The following FASTKD1 variants were observed in gnomAD, a reference collection of about 807,000 sequenced individuals.
FASTKD1 encodes FAST kinase domains 1, also known as FAST kinase domain-containing protein 1, mitochondrial.
In FASTKD1, 94 loss-of-function variants were observed where a neutral mutation model predicts 90.9. That is an observed-to-expected ratio of 1.03 (90% CI 0.88 to 1.23). The LOEUF (loss-of-function observed/expected upper bound fraction) is 1.23. Among genes scored for constraint, FASTKD1 ranks in the 50% most tolerant of loss-of-function variants. The pLI is 0.00. For synonymous variants in FASTKD1, 319 were observed against 345.8 expected, an observed-to-expected ratio of 0.92 and a Z score of 0.86; for missense variants, 945 against 993.5, an observed-to-expected ratio of 0.95 and a Z score of 0.66.
chr2:169,560,568 C>T lies in FASTKD1; in HGVS notation c.790G>A (p.Asp264Asn). The change falls in exon 5 of 15, where the codon GAT (aspartate) becomes AAT (asparagine). Residue 264 changes from aspartate to asparagine, a missense_variant. Coordinates refer to ENST00000453153, the MANE Select transcript of FASTKD1 (RefSeq NM_024622.6). Reference sequence around the variant, plus strand: ...AGTATTTTACTGATGGAATCCAAATCAAGGTGGTCCACATTACTTAAAAAT... The same window carrying T: ...AGTATTTTACTGATGGAATCCAAATTAAGGTGGTCCACATTACTTAAAAAT... ...NVFLSNVDHL[D>N]LDSISKILSV... is the part of the protein sequence containing the mutation. 6.2e-7 allele frequency: 1 copy of T among 1,604,958 alleles called. No homozygotes were observed. Among genetic ancestry groups the T allele is most frequent in the Non-Finnish European group, 8.5e-7 (1 of 1,176,364 alleles).
At chr2:169,554,278 T>C (rs1432126912) in intron 7 of FASTKD1, among the ~76,000 whole-genome samples, 1 of 29,782 alleles carries the variant, frequency 3.4e-5, no homozygotes, top group Non-Finnish European at 5.2e-5. Flanking sequence ...ACCCTGTCTC[T>C]AAAAAAAAAA....
Position 169,571,981 on chromosome 2 carries a change from G to A in FASTKD1, c.49C>T (p.Arg17Cys), listed in dbSNP as rs150394417. ...FLESLVTNML[R>C]LRAICPFSWR... is the part of the protein sequence containing the mutation. Reference sequence around the variant, plus strand: ...GAGAATGGACAAATAGCTCTTAGACGAAGCATATTTGTAACCAATGACTCT... The same window carrying A: ...GAGAATGGACAAATAGCTCTTAGACAAAGCATATTTGTAACCAATGACTCT... Residue 17 changes from arginine (R) to cysteine (C), a missense_variant, in exon 2 of 15, where the codon CGT becomes TGT. Coordinates refer to ENST00000453153, the MANE Select transcript of FASTKD1 (RefSeq NM_024622.6). The A allele has an allele frequency of 3.6e-5, 58 of 1,609,132 alleles. No individual in the cohort carries two copies. In the Middle Eastern group the frequency reaches 8.3e-4, roughly 23 times the overall value.
At position 169,549,987 on chromosome 2, in the gene FASTKD1, A is replaced by G. The variant is rs116063906; in HGVS notation, c.1215-3283T>C. On this transcript the variant is annotated intron_variant, in intron 7 of 14. Transcript: ENST00000453153. The stretch of plus-strand genomic sequence containing the variant: ...TCCCTGTCTGGGAAACTAACCTAAT[A>G]AACTAATATAAAATCCAGGTAAAAG... Among the ~76,000 whole-genome samples, 478 of 152,276 alleles carry G rather than the reference A, an allele frequency of 3.1e-3. 3 individuals carry two copies. Among genetic ancestry groups the G allele is most frequent in the African/African-American group, 0.011 (445 of 41,548 alleles).
intron 3 of FASTKD1, among the ~76,000 whole-genome samples, chr2:169,568,912 T>C (rs749218344): frequency 4.0e-5 from 6 of 151,022 alleles, no homozygotes; most frequent in African/African-American, 1.2e-4. Flanking sequence ...AGGCAGAGAA[T>C]TGCTTGAACC....
chr2:169,558,062 A>G (rs931597358), intron 5 of FASTKD1, among the ~76,000 whole-genome samples: 1 of 152,148 alleles, frequency 6.6e-6, no homozygotes, highest in Admixed American at 6.6e-5. Flanking sequence ...AGCACTATCC[A>G]TATCACTAAT....
chr2:169,529,761 G>T lies in FASTKD1; in HGVS notation c.*64C>A, dbSNP rs1684394905. On this transcript the variant is annotated 3_prime_UTR_variant, in exon 15 of 15. Coordinates refer to ENST00000453153, the MANE Select transcript of FASTKD1 (RefSeq NM_024622.6). ...ACATTTGTACCTATTTTTTAATTGA[G>T]ACAGGCCACTTTATTAAAATAGGTC... 1 of 1,142,458 alleles carries T rather than the reference G, an allele frequency of 8.8e-7. No homozygotes were observed. The highest frequency in any genetic ancestry group is 1.3e-6 in the Non-Finnish European group (1 of 784,312). The allele number at this position is 1,142,458 out of a possible 1,614,324, so 70.8% of individuals were successfully genotyped here. A position where few individuals can be genotyped will look rare whatever the true frequency, so the allele number is the denominator to read the frequency against.
Position 169,539,624 on chromosome 2 carries a change from G to C in FASTKD1, c.1945+427C>G, listed in dbSNP as rs1422243153. 7.9e-5 allele frequency among the ~76,000 whole-genome samples: 12 copies of C among 152,072 alleles called. No individual in the cohort carries two copies. The South Asian group carries it at 1.2e-3, about 16-fold the overall frequency. ...CTCTTAAAAAAAAAAAATTAGCTGG[G>C]CATGGTGACACACGCCTGTGGTCCC... On this transcript the variant is annotated intron_variant, in intron 10 of 14. Coordinates refer to ENST00000453153, the MANE Select transcript of FASTKD1 (RefSeq NM_024622.6).
intron 3 of FASTKD1, among the ~76,000 whole-genome samples, chr2:169,564,495 A>G (rs1053188443): frequency 1.3e-5 from 2 of 152,146 alleles, no homozygotes; most frequent in Non-Finnish European, 2.9e-5. Context: ...ATATTTTGAT[A>G]CAAGCATGCA....
At chr2:169,537,916 C>T in intron 11 of FASTKD1, 97 bp downstream of exon 11, 1 of 1,023,796 alleles carries the variant, frequency 9.8e-7, no homozygotes, top group Non-Finnish European at 1.4e-6. Flanking sequence ...CTTGGGAAGG[C>T]TCGTGTCATG....
At position 169,554,278 on chromosome 2, in the gene FASTKD1, TAAAAAAAAAAAAAAAAAA is replaced by T. The variant is rs58641456; in HGVS notation, c.1214+828_1214+845del. On this transcript the variant is annotated intron_variant, in intron 7 of 14. Transcript: ENST00000453153. ...AGGGGACAGAGTGAGACCCTGTCTCTAAAAAAAAAAAAAAAAAAAAAAAAAAAAAAAAAAAAGATACAT... is the reference window on the plus strand; with the variant it reads ...AGGGGACAGAGTGAGACCCTGTCTCTAAAAAAAAAAAAAAAAAAGATACAT... Among the ~76,000 whole-genome samples, 18 of 29,814 alleles carry T rather than the reference TAAAAAAAAAAAAAAAAAA, an allele frequency of 6.0e-4. 1 individual carries two copies. In the South Asian group the frequency reaches 0.018, roughly 30 times the overall value. The allele number at this position is 29,814 out of a possible 152,430, so 19.6% of individuals were successfully genotyped here.
At position 169,537,341 on chromosome 2, in the gene FASTKD1, C is replaced by A; in HGVS notation, c.2075-1G>T. The A allele has an allele frequency of 6.4e-7, 1 of 1,559,362 alleles. No homozygotes were observed. Among genetic ancestry groups the A allele is most frequent in the African/African-American group, 1.4e-5 (1 of 73,152 alleles). ...TGTGTTCCATCCATGCCACCAATACCTTTATAAAAAAATAAATAATTAGTC... is the reference window on the plus strand; with the variant it reads ...TGTGTTCCATCCATGCCACCAATACATTTATAAAAAAATAAATAATTAGTC... On this transcript the variant is annotated splice_acceptor_variant, in intron 11 of 14. Transcript: ENST00000453153. LOFTEE classifies it high-confidence loss of function.
rs1235734559 is a variant in FASTKD1 at position 169,540,085 on chromosome 2, G to T, written c.1911C>A (p.Ile637=). The change falls in exon 10 of 15, where the codon ATC becomes ATA. Residue 637 remains isoleucine, a synonymous_variant. Transcript: ENST00000453153. ...PEDLLKAIFN[I]KFLARLDSQL... ...GAGAATCCAATCTAGCTAAGAATTTGATGTTAAAAATTGCCTTTAGCAGAT... is the reference window on the plus strand; with the variant it reads ...GAGAATCCAATCTAGCTAAGAATTTTATGTTAAAAATTGCCTTTAGCAGAT... The T allele has an allele frequency of 2.5e-6, 4 of 1,604,980 alleles. No individual in the cohort carries two copies. Among genetic ancestry groups the T allele is most frequent in the Non-Finnish European group, 2.6e-6 (3 of 1,175,794 alleles).
intron 7 of FASTKD1, among the ~76,000 whole-genome samples, chr2:169,548,668 G>A (rs182782222): frequency 0.01 from 1,378 of 136,234 alleles, 7 homozygotes; most frequent in Middle Eastern, 0.015. Flanking sequence ...GGAGGCGGAG[G>A]TTGCAGTGAG....
chr2:169,533,477 C>A (rs1380110618), intron 12 of FASTKD1, among the ~76,000 whole-genome samples: 1 of 152,130 alleles, frequency 6.6e-6, no homozygotes. Flanking sequence ...CTTGGGCAAT[C>A]AATAATGTTT....
At position 169,560,384 on chromosome 2, in the gene FASTKD1, T is replaced by A; in HGVS notation, c.971+3A>T. On this transcript the variant is annotated splice_donor_region_variant and intron_variant, in intron 5 of 14. Coordinates refer to ENST00000453153, the MANE Select transcript of FASTKD1 (RefSeq NM_024622.6). The stretch of plus-strand genomic sequence containing the variant: ...AAAGTAATGCATTTTAAACTGAACT[T>A]ACTGTTTCTTTTCTTCAGGTCCTGC... The A allele has an allele frequency of 1.3e-6, 2 of 1,529,678 alleles. No individual in the cohort carries two copies. The highest frequency in any genetic ancestry group is 1.7e-6 in the Non-Finnish European group (2 of 1,147,702). The allele number at this position is 1,529,678 out of a possible 1,614,324, so 94.8% of individuals were successfully genotyped here.
chr2:169,567,782 T>G (rs539715673), intron 3 of FASTKD1, among the ~76,000 whole-genome samples: 19 of 152,334 alleles, frequency 1.2e-4, no homozygotes, highest in Middle Eastern at 3.4e-3. Context: ...AGAGTTGCTC[T>G]GTAGTTTTTA....
chr2:169,546,242 T>A lies in FASTKD1; in HGVS notation c.1677A>T (p.Ser559=). The change falls in exon 8 of 15, where the codon TCA becomes TCT. Residue 559 remains serine (S), a synonymous_variant. Coordinates refer to ENST00000453153, the MANE Select transcript of FASTKD1 (RefSeq NM_024622.6). ...LSTLLLDRIA[S]VAVQQIEKIH... ...CCTTTTCAATCTGCTGAACAGCCACTGAGGCTATCCTATCTAGTAGCAAAG... is the reference window on the plus strand; with the variant it reads ...CCTTTTCAATCTGCTGAACAGCCACAGAGGCTATCCTATCTAGTAGCAAAG... 6.3e-7 allele frequency: 1 copy of A among 1,584,560 alleles called. No individual in the cohort carries two copies.
chr2:169,564,876 C>G lies in FASTKD1; in HGVS notation c.447-1526G>C, dbSNP rs569553027. 1.6e-4 allele frequency among the ~76,000 whole-genome samples: 25 copies of G among 152,066 alleles called. 1 individual carries two copies. The South Asian group carries it at 5.2e-3, about 32-fold the overall frequency. The stretch of plus-strand genomic sequence containing the variant: ...CTTAACATAATAATCTCCAGTTCCA[C>G]CCATGTTGCAAATGACAGGATATCA... On this transcript the variant is annotated intron_variant, in intron 3 of 14. Transcript: ENST00000453153.
At chr2:169,569,095 T>TC in intron 3 of FASTKD1, 89 bp downstream of exon 3, 1 of 1,029,434 alleles carries the variant, frequency 9.7e-7, no homozygotes, top group East Asian at 2.4e-5. Context: ...TTGACAGGCA[T>TC]CAGTTCCCTG....
Sources: allele counts gnomAD v4.1 joint callset (sites outside exome capture counted in the v4.1 genomes callset), GRCh38; gene constraint gnomAD v4.1.1; transcripts MANE v1.5; gene names NCBI Gene and HGNC (gene_info 2026-07-23, HGNC 2026-07-21).